The following CLSTN2 variants were observed in gnomAD, a reference collection of about 807,000 sequenced individuals.
CLSTN2 encodes calsyntenin-2.
CLSTN2 carries 48 observed loss-of-function variants against 101.2 expected under a neutral mutation model. The ratio of observed to expected loss-of-function variants is 0.47; its 90% CI spans 0.38 to 0.60. The LOEUF (loss-of-function observed/expected upper bound fraction) is 0.60, where lower values mean the gene tolerates loss of function less well. CLSTN2 is among the 20% of genes least tolerant of loss of function. The pLI is 0.00. For missense variants in CLSTN2, 1,160 were observed against 1,238.2 expected, an observed-to-expected ratio of 0.94 and a Z score of 0.95; for synonymous variants, 481 against 463.6, an observed-to-expected ratio of 1.04 and a Z score of -0.48.
chr3:140,170,025 T>C (rs1247458658), intron 1 of CLSTN2, among the ~76,000 whole-genome samples: 2 of 152,186 alleles, frequency 1.3e-5, no homozygotes, highest in African/African-American at 4.8e-5. Flanking sequence ...ATTTTATGTT[T>C]CATTACTCAA....
chr3:140,313,719 A>G (rs1428229324), intron 2 of CLSTN2, among the ~76,000 whole-genome samples: 2 of 152,214 alleles, frequency 1.3e-5, no homozygotes, highest in Non-Finnish European at 2.9e-5. Context: ...TCACAAAGTG[A>G]AGTGTGTCAT....
At chr3:140,466,528 A>G in intron 7 of CLSTN2, 82 bp from the exon 8 acceptor site, 2 of 1,562,056 alleles carry the variant, frequency 1.3e-6, no homozygotes, top group South Asian at 2.3e-5. Flanking sequence ...GTGCTGTGCT[A>G]AGTGAGTGAG....
intron 1 of CLSTN2, among the ~76,000 whole-genome samples, chr3:139,941,421 C>G (rs2107806644): frequency 6.6e-6 from 1 of 152,300 alleles, no homozygotes; most frequent in South Asian, 2.1e-4. Flanking sequence ...TATTTCTCAG[C>G]CTCCTGTTAT....
intron 1 of CLSTN2, among the ~76,000 whole-genome samples, chr3:140,159,170 ATT>A: frequency 6.6e-6 from 1 of 152,128 alleles, no homozygotes; most frequent in East Asian, 1.9e-4. Context: ...AAAAATAAAA[ATT>A]GACAGATGGG....
chr3:140,032,923 G>T (rs995574404), intron 1 of CLSTN2, among the ~76,000 whole-genome samples: 2 of 152,208 alleles, frequency 1.3e-5, no homozygotes, highest in African/African-American at 4.8e-5. Flanking sequence ...ATAGATGTGG[G>T]AGAGGCAGAC....
At chr3:140,114,879 A>G (rs979740597) in intron 1 of CLSTN2, among the ~76,000 whole-genome samples, 1 of 152,068 alleles carries the variant, frequency 6.6e-6, no homozygotes, top group Non-Finnish European at 1.5e-5. Context: ...CATGGTTAAT[A>G]TTCTCTGATG....
At chr3:140,271,267 C>T (rs2086739065) in intron 2 of CLSTN2, among the ~76,000 whole-genome samples, 1 of 152,102 alleles carries the variant, frequency 6.6e-6, no homozygotes, top group South Asian at 2.1e-4. Flanking sequence ...CGTGTTCAAG[C>T]AGGAAAGGGC....
chr3:140,332,063 A>ACAG (rs2087388134), intron 2 of CLSTN2, among the ~76,000 whole-genome samples: 1 of 152,216 alleles, frequency 6.6e-6, no homozygotes, highest in Non-Finnish European at 1.5e-5. Context: ...GAGATAAAGA[A>ACAG]CAGTGATAGA....
At chr3:140,416,451 A>G (rs2088432287) in intron 4 of CLSTN2, among the ~76,000 whole-genome samples, 1 of 152,172 alleles carries the variant, frequency 6.6e-6, no homozygotes, top group Admixed American at 6.5e-5. Flanking sequence ...CATGGTAGTT[A>G]TTTAGTAATG....
At chr3:140,353,242 C>CATATATAT (rs34831776) in intron 2 of CLSTN2, among the ~76,000 whole-genome samples, 4 of 146,768 alleles carry the variant, frequency 2.7e-5, no homozygotes, top group Non-Finnish European at 6.0e-5. Flanking sequence ...TATGTTTACA[C>CATATATAT]ATATATATAT....
chr3:140,184,355 C>G (rs1373053866), intron 2 of CLSTN2, among the ~76,000 whole-genome samples: 1 of 152,050 alleles, frequency 6.6e-6, no homozygotes. Flanking sequence ...GATGGGGAGG[C>G]CTCAGGAAAC....
chr3:140,104,254 T>C (rs1469291797), intron 1 of CLSTN2, among the ~76,000 whole-genome samples: 1 of 152,166 alleles, frequency 6.6e-6, no homozygotes, highest in African/African-American at 2.4e-5. Flanking sequence ...CTCTCCTTCA[T>C]AGAGCAGCAG....
At chr3:140,424,285 A>G (rs1006989399) in intron 5 of CLSTN2, among the ~76,000 whole-genome samples, 3 of 152,194 alleles carry the variant, frequency 2.0e-5, no homozygotes, top group Admixed American at 2.0e-4. Context: ...CTGCCCCAGT[A>G]GACTTCCAGA....
At chr3:140,532,236 G>C in intron 8 of CLSTN2, 88 bp from the exon 9 acceptor site, 1 of 1,102,984 alleles carries the variant, frequency 9.1e-7, no homozygotes, top group Non-Finnish European at 1.3e-6. Flanking sequence ...ACCCAAAAAT[G>C]TGTTGTTCTC....
intron 1 of CLSTN2, among the ~76,000 whole-genome samples, chr3:140,027,637 A>C (rs2107758361): frequency 6.6e-6 from 1 of 152,286 alleles, no homozygotes; most frequent in Non-Finnish European, 1.5e-5. Flanking sequence ...GTGTGAAGGC[A>C]TCATCCTGAG....
At chr3:140,302,722 C>T (rs1173188603) in intron 2 of CLSTN2, among the ~76,000 whole-genome samples, 3 of 152,178 alleles carry the variant, frequency 2.0e-5, no homozygotes, top group Non-Finnish European at 4.4e-5. Flanking sequence ...CCCACAGTGG[C>T]CTACTGTCCA....
chr3:140,521,490 T>C (rs1935025223), intron 8 of CLSTN2, among the ~76,000 whole-genome samples: 1 of 152,224 alleles, frequency 6.6e-6, no homozygotes, highest in Admixed American at 6.5e-5. Context: ...AGCCTGCTCC[T>C]GCCTCTGGAA....
In CLSTN2 at chr3:140,399,037, C is replaced by T. The variant is rs962629260; in HGVS notation, c.233-4592C>T. Among the ~76,000 whole-genome samples the T allele has an allele frequency of 5.3e-5, 8 of 152,334 alleles. No individual in the cohort carries two copies. In the East Asian group the frequency reaches 1.5e-3, roughly 29 times the overall value. On this transcript the variant is annotated intron_variant, in intron 2 of 16. Transcript: ENST00000458420. ...GCCCCAGTTCAGCCACCTTGGCCCA[C>T]AGCCCATGTGAGCCTGGTGGCCTGG... is the stretch of plus-strand genomic sequence containing the variant.
chr3:140,521,476 T>C (rs1016397542), intron 8 of CLSTN2, among the ~76,000 whole-genome samples: 8 of 152,320 alleles, frequency 5.3e-5, no homozygotes, highest in African/African-American at 1.7e-4. Flanking sequence ...ACAGCAGAGA[T>C]GGCAGCCTGC....
Sources: gnomAD v4.1 joint callset for allele counts (sites outside exome capture counted in the v4.1 genomes callset) on GRCh38, gnomAD v4.1.1 for gene constraint, MANE v1.5 for transcripts, NCBI Gene and HGNC (gene_info 2026-07-23, HGNC 2026-07-21) for gene names.